Variants in SRFBP1 observed in about 807,000 individuals in gnomAD.
SRFBP1 encodes the protein serum response factor binding protein 1, also known as serum response factor-binding protein 1.
Under a neutral mutation model 45.5 loss-of-function variants are expected in SRFBP1, and 47 were observed. The ratio of observed to expected loss-of-function variants is 1.03; its 90% CI spans 0.82 to 1.32. The LOEUF (loss-of-function observed/expected upper bound fraction) is 1.32, where lower values mean the gene tolerates loss of function less well. SRFBP1 is among the 40% of genes most tolerant of loss of function. The pLI, the probability that SRFBP1 is intolerant of heterozygous loss-of-function variation, is 0.00. For missense variants in SRFBP1, 621 were observed against 484.6 expected, an observed-to-expected ratio of 1.28 and a Z score of -2.64; for synonymous variants, 203 against 166.3, an observed-to-expected ratio of 1.22 and a Z score of -1.70.
intron 4 of SRFBP1, among the ~76,000 whole-genome samples, chr5:122,009,728 A>G (rs1325161930): frequency 6.6e-6 from 1 of 152,194 alleles, no homozygotes; most frequent in Non-Finnish European, 1.5e-5. Flanking sequence ...TTTCTTGTCT[A>G]TCTACTATTC....
intron 3 of SRFBP1, among the ~76,000 whole-genome samples, chr5:121,981,908 T>C (rs911784920): frequency 1.3e-5 from 2 of 151,994 alleles, no homozygotes; most frequent in African/African-American, 4.8e-5. Flanking sequence ...CACCTAGTAA[T>C]GTGTCTGATA....
At chr5:122,073,981 T>C in intron 2 of SRFBP1, 1 of 1,598,440 alleles carries the variant, frequency 6.3e-7, no homozygotes, top group Non-Finnish European at 8.6e-7. Context: ...TCTCTGAGGC[T>C]TGAGGTTCTG....
intron 5 of SRFBP1, 104 bp downstream of exon 5, chr5:122,019,445 GT>G (rs1753257900): frequency 7.4e-6 from 7 of 939,984 alleles, no homozygotes; most frequent in Admixed American, 2.9e-5. Flanking sequence ...ATAAATATAA[GT>G]TTCTTTCAAA....
intron 2 of SRFBP1, among the ~76,000 whole-genome samples, chr5:122,034,307 A>G (rs1392109444): frequency 6.6e-6 from 1 of 152,054 alleles, no homozygotes; most frequent in African/African-American, 2.4e-5. Context: ...TAATTATTAT[A>G]TTTATTACAT....
chr5:122,002,535 A>G (rs934468153), intron 4 of SRFBP1, among the ~76,000 whole-genome samples: 5 of 152,176 alleles, frequency 3.3e-5, no homozygotes, highest in Non-Finnish European at 5.9e-5. Context: ...TTGTGAAAGG[A>G]TGTTTGGAAC....
intron 2 of SRFBP1, among the ~76,000 whole-genome samples, chr5:122,042,220 T>A (rs1049469284): frequency 6.6e-6 from 1 of 152,244 alleles, no homozygotes; most frequent in African/African-American, 2.4e-5. Flanking sequence ...GTCCCTGTTA[T>A]ATATGTTATT....
At chr5:121,994,859 T>A (rs112830892) in intron 4 of SRFBP1, among the ~76,000 whole-genome samples, 189 bp downstream of exon 4, 2 of 152,066 alleles carry the variant, frequency 1.3e-5, no homozygotes, top group African/African-American at 4.8e-5. Context: ...TGCTGTAATA[T>A]CATACCTTCG....
chr5:121,979,660 A>G (rs80219415), intron 3 of SRFBP1, among the ~76,000 whole-genome samples: 6,737 of 152,228 alleles, frequency 0.044, 171 homozygotes, highest in African/African-American at 0.06. Flanking sequence ...AATAATTGTA[A>G]GGGTGCAAGT....
chr5:122,006,896 A>G (rs1752986667), intron 4 of SRFBP1, among the ~76,000 whole-genome samples: 1 of 151,938 alleles, frequency 6.6e-6, no homozygotes, highest in Non-Finnish European at 1.5e-5. Context: ...TCTGTTCTAT[A>G]TCTTCATTTA....
chr5:122,067,225 T>G (rs774484967), intron 2 of SRFBP1, among the ~76,000 whole-genome samples: 1 of 152,176 alleles, frequency 6.6e-6, no homozygotes, highest in South Asian at 2.1e-4. Context: ...AATGTGACCA[T>G]AGATCTTCAT....
intron 2 of SRFBP1, among the ~76,000 whole-genome samples, chr5:122,040,959 T>A (rs2112729881): frequency 6.6e-6 from 1 of 152,266 alleles, no homozygotes; most frequent in Middle Eastern, 3.4e-3. Context: ...CATATATAAG[T>A]TTATATAGTT....
intron 4 of SRFBP1, among the ~76,000 whole-genome samples, chr5:122,005,358 AT>A (rs1561588656): frequency 6.6e-6 from 1 of 151,972 alleles, no homozygotes; most frequent in Non-Finnish European, 1.5e-5. Context: ...TACAAGTGTT[AT>A]ATCCGTCTGA....
intron 7 of SRFBP1, among the ~76,000 whole-genome samples, chr5:122,025,107 C>T (rs919373818): frequency 1.3e-5 from 2 of 152,042 alleles, no homozygotes; most frequent in South Asian, 2.1e-4. Flanking sequence ...GCTATCCCTC[C>T]CCACTCCCCC....
At chr5:122,018,600 G>T (rs1753233234) in intron 4 of SRFBP1, among the ~76,000 whole-genome samples, 1 of 152,302 alleles carries the variant, frequency 6.6e-6, no homozygotes, top group East Asian at 1.9e-4. Flanking sequence ...AGGTTAGGTG[G>T]TTTGATGTAT....
downstream of SRFBP1, chr5:122,077,377 G>A (rs972838662): frequency 6.8e-6 from 11 of 1,613,802 alleles, no homozygotes; most frequent in African/African-American, 1.3e-4. This position sits in a 1 kb window ranked among gnomAD's most constrained non-coding sequence, Gnocchi z 4.9. Flanking sequence ...AGCCAGTGCC[G>A]TATCCGGGCC....
intron 3 of SRFBP1, among the ~76,000 whole-genome samples, chr5:121,989,966 A>G (rs559282923): frequency 5.3e-5 from 8 of 152,198 alleles, no homozygotes; most frequent in Non-Finnish European, 1.0e-4. Flanking sequence ...CAAATCTTGG[A>G]TTTGAATTTT....
intron 2 of SRFBP1, among the ~76,000 whole-genome samples, chr5:122,050,376 G>C (rs1473402753): frequency 1.3e-5 from 2 of 151,950 alleles, no homozygotes; most frequent in Non-Finnish European, 2.9e-5. Context: ...CTGGTCTTGG[G>C]ATTTATTTGG....
chr5:122,008,252 C>T (rs1753017731), intron 4 of SRFBP1, among the ~76,000 whole-genome samples: 1 of 151,880 alleles, frequency 6.6e-6, no homozygotes, highest in South Asian at 2.1e-4. Flanking sequence ...TGATGTTGGC[C>T]TGTCTTGGGA....
At chr5:122,021,068 A>G (rs530145940) in intron 6 of SRFBP1, among the ~76,000 whole-genome samples, 1 of 152,346 alleles carries the variant, frequency 6.6e-6, no homozygotes, top group East Asian at 1.9e-4. Context: ...CACTTATCAA[A>G]GTTTTGAAAC....
Sources: gnomAD v4.1 joint callset for allele counts (sites outside exome capture counted in the v4.1 genomes callset) on GRCh38, gnomAD v4.1.1 for gene constraint, Gnocchi (gnomAD v3.1) non-coding constraint, MANE v1.5 for transcripts, NCBI Gene and HGNC (gene_info 2026-07-23, HGNC 2026-07-21) for gene names.